AFG1L: variants seen among roughly 807,000 people sequenced by gnomAD.
The protein encoded by AFG1L is AFG1 like ATPase.
Under a neutral mutation model 62.2 loss-of-function variants are expected in AFG1L, and 53 were observed. The observed-to-expected ratio is 0.85, with a 90% confidence interval of 0.68 to 1.07. AFG1L has a LOEUF of 1.07. AFG1L is among the 50% of genes least tolerant of loss of function. AFG1L has a pLI of 0.00. For synonymous variants in AFG1L, 228 were observed against 210.3 expected (o/e 1.08, Z -0.73); for missense variants, 555 against 590.5 (o/e 0.94, Z 0.62).
At chr6:108,387,341 G>T (rs941197750) in intron 6 of AFG1L, among the ~76,000 whole-genome samples, 1 of 152,228 alleles carries the variant, frequency 6.6e-6, no homozygotes, top group African/African-American at 2.4e-5. Context: ...AGGCCTATGT[G>T]ACTGCCAGTG....
At chr6:108,435,570 C>T (rs918135139) in intron 7 of AFG1L, among the ~76,000 whole-genome samples, 1 of 152,138 alleles carries the variant, frequency 6.6e-6, no homozygotes, top group African/African-American at 2.4e-5. Flanking sequence ...CCTGTAGTCC[C>T]AGCTACTCAG....
intron 10 of AFG1L, among the ~76,000 whole-genome samples, chr6:108,487,748 T>C (rs551365615): frequency 8.9e-4 from 136 of 152,270 alleles, no homozygotes; most frequent in African/African-American, 3.2e-3. Flanking sequence ...GGAGTAAAAG[T>C]ATTTCAACCA....
intron 2 of AFG1L, among the ~76,000 whole-genome samples, chr6:108,337,347 A>T (rs777966981): frequency 6.6e-5 from 10 of 152,108 alleles, no homozygotes; most frequent in South Asian, 2.1e-4. Flanking sequence ...TGTTGTATTG[A>T]CTTTTTAGTA....
intron 2 of AFG1L, among the ~76,000 whole-genome samples, chr6:108,334,944 C>T (rs1003147626): frequency 2.0e-5 from 3 of 152,062 alleles, no homozygotes; most frequent in African/African-American, 7.2e-5. Flanking sequence ...GCTCACCTCA[C>T]ATTGCCTGCT....
At chr6:108,466,108 T>C (rs1582626997) in intron 8 of AFG1L, among the ~76,000 whole-genome samples, 1 of 152,350 alleles carries the variant, frequency 6.6e-6, no homozygotes, top group African/African-American at 2.4e-5. Context: ...AAGTCATTTA[T>C]AATTTATCCA....
Position 108,311,472 on chromosome 6 carries a change from T to C in AFG1L, c.140-12353T>C, listed in dbSNP as rs537177095. ...TTTATTAGAGTTGTTTATCCACTTA[T>C]TTGTGTCTACCTTTTGTTTTGTTTT... On this transcript the variant is annotated intron_variant, in intron 1 of 12. Coordinates refer to ENST00000368977, the MANE Select transcript of AFG1L (RefSeq NM_145315.5). Among the ~76,000 whole-genome samples, 61 of 152,304 alleles carry C rather than the reference T, an allele frequency of 4.0e-4. 1 individual carries two copies. The highest frequency in any genetic ancestry group is 1.3e-3 in the African/African-American group (54 of 41,570).
At chr6:108,315,634 G>A (rs1777560949) in intron 1 of AFG1L, among the ~76,000 whole-genome samples, 1 of 152,028 alleles carries the variant, frequency 6.6e-6, no homozygotes, top group South Asian at 2.1e-4. Flanking sequence ...AGGCTGGAGT[G>A]CAGTGTTATA....
chr6:108,339,900 T>TA (rs1778615684), intron 2 of AFG1L, among the ~76,000 whole-genome samples: 1 of 152,228 alleles, frequency 6.6e-6, no homozygotes. Context: ...TCCTTTGTGT[T>TA]ACAATCAAAT....
rs143729696 is a variant in AFG1L at position 108,383,174 on chromosome 6, A to G, written c.748+16842A>G. ...TTTGAACCCAGGAGGCGGAGGTTGC[A>G]GTGAACTGAGATCAGGCCACTACAC... On this transcript the variant is annotated intron_variant, in intron 6 of 12. Transcript: ENST00000368977. Among the ~76,000 whole-genome samples, 82 of 152,350 alleles carry G rather than the reference A, an allele frequency of 5.4e-4. 1 individual carries two copies. In the East Asian group the frequency reaches 0.015, roughly 28 times the overall value.
At chr6:108,490,569 A>G (rs1397462614) in intron 10 of AFG1L, among the ~76,000 whole-genome samples, 1 of 152,242 alleles carries the variant, frequency 6.6e-6, no homozygotes, top group Non-Finnish European at 1.5e-5. Context: ...TATAAAAATT[A>G]TCTTGCATAC....
At chr6:108,447,651 TC>T (rs1288979812) in intron 8 of AFG1L, among the ~76,000 whole-genome samples, 2 of 152,106 alleles carry the variant, frequency 1.3e-5, no homozygotes, top group Non-Finnish European at 1.5e-5. Flanking sequence ...CCATTTCCGT[TC>T]CCCCCAAAAT....
chr6:108,355,612 A>G (rs776359176), intron 3 of AFG1L, 42 bp from the exon 4 acceptor site: 9 of 1,024,260 alleles, frequency 8.8e-6, no homozygotes, highest in South Asian at 7.2e-5. Flanking sequence ...CAATCAGTAC[A>G]TACTATTTAA....
chr6:108,479,612 C>T (rs953521024), intron 10 of AFG1L, among the ~76,000 whole-genome samples: 1 of 152,172 alleles, frequency 6.6e-6, no homozygotes, highest in Non-Finnish European at 1.5e-5. Flanking sequence ...CTTGTAACTG[C>T]AATTCAGATA....
intron 2 of AFG1L, among the ~76,000 whole-genome samples, chr6:108,334,175 T>A (rs894996652): frequency 6.6e-6 from 1 of 152,066 alleles, no homozygotes; most frequent in African/African-American, 2.4e-5. Flanking sequence ...CCTGGCTAAT[T>A]TTTGTATTTT....
chr6:108,355,667 A>G lies in AFG1L; in HGVS notation c.429A>G (p.Thr143=). 6.3e-7 allele frequency: 1 copy of G among 1,599,838 alleles called. No individual in the cohort carries two copies. The highest frequency in any genetic ancestry group is 1.1e-5 in the South Asian group (1 of 87,266). ...YVYGDVGTGK[T]MVMDMFYAYV... is the part of the protein sequence containing the mutation. ...TTTATTTTTAAGGTACAGGAAAAAC[A>G]ATGGTGATGGACATGTTTTATGCTT... Residue 143 remains threonine (T), a synonymous_variant, in exon 4 of 13, where the codon ACA becomes ACG. Coordinates refer to ENST00000368977, the MANE Select transcript of AFG1L (RefSeq NM_145315.5).
intron 7 of AFG1L, among the ~76,000 whole-genome samples, chr6:108,410,461 A>G (rs1782047957): frequency 6.6e-6 from 1 of 152,212 alleles, no homozygotes; most frequent in South Asian, 2.1e-4. Context: ...CTAGAAGAGA[A>G]GAGAAGAGTT....
intron 6 of AFG1L, among the ~76,000 whole-genome samples, chr6:108,371,662 G>A (rs181958594): frequency 4.6e-5 from 7 of 152,064 alleles, no homozygotes; most frequent in African/African-American, 7.2e-5. Context: ...CCTGTGCCTG[G>A]CATGATTACT....
At chr6:108,349,750 T>A (rs1779008233) in intron 3 of AFG1L, among the ~76,000 whole-genome samples, 1 of 151,768 alleles carries the variant, frequency 6.6e-6, no homozygotes, top group Non-Finnish European at 1.5e-5. Flanking sequence ...ACCCCATCTC[T>A]ACAAAAAAAT....
intron 11 of AFG1L, among the ~76,000 whole-genome samples, chr6:108,516,085 G>A (rs1407203776): frequency 6.6e-6 from 1 of 152,038 alleles, no homozygotes; most frequent in Non-Finnish European, 1.5e-5. Flanking sequence ...AGGAGGAGCT[G>A]GTACCATTCC....
Sources: allele counts gnomAD v4.1 joint callset (sites outside exome capture counted in the v4.1 genomes callset), GRCh38; gene constraint gnomAD v4.1.1; transcripts MANE v1.5; gene names NCBI Gene and HGNC (gene_info 2026-07-23, HGNC 2026-07-21).